PPP6R2: variants seen among roughly 807,000 people sequenced by gnomAD.
The protein encoded by PPP6R2 is serine/threonine-protein phosphatase 6 regulatory subunit 2.
PPP6R2 carries 62 observed loss-of-function variants against 100.2 expected under a neutral mutation model. That is an observed-to-expected ratio of 0.62 (90% CI 0.50 to 0.76). PPP6R2 has a LOEUF of 0.76. PPP6R2 is among the 30% of genes least tolerant of loss of function. The pLI is 0.00. For synonymous variants in PPP6R2, 525 were observed against 514.7 expected (o/e 1.02, Z -0.27); for missense variants, 1,142 against 1,276.3 (o/e 0.89, Z 1.60).
intron 6 of PPP6R2, among the ~76,000 whole-genome samples, chr22:50,417,017 C>T (rs117618593): frequency 6.6e-6 from 1 of 152,048 alleles, no homozygotes; most frequent in Non-Finnish European, 1.5e-5. Flanking sequence ...GACCGAATAG[C>T]AAATTACCCT....
chr22:50,353,954 T>G (rs1347009801), intron 1 of PPP6R2, among the ~76,000 whole-genome samples: 1 of 152,086 alleles, frequency 6.6e-6, no homozygotes, highest in East Asian at 1.9e-4. Context: ...GATAACTGAT[T>G]ATGTATCAGG....
chr22:50,407,547 C>G (rs1475648558), intron 4 of PPP6R2: 1 of 152,542 alleles, frequency 6.6e-6, no homozygotes, highest in East Asian at 1.9e-4. Flanking sequence ...GGTGGCGTGT[C>G]TGTCTGTCCA....
chr22:50,435,923 C>T (rs5770869), intron 13 of PPP6R2, among the ~76,000 whole-genome samples: 98,374 of 152,020 alleles, frequency 0.65, 32,073 homozygotes, highest in East Asian at 0.9. Flanking sequence ...CTCTGACCTC[C>T]CCGGAAAAAC....
Position 50,437,907 on chromosome 22 carries a change from A to AG in PPP6R2, c.1839+7_1839+8insG, listed in dbSNP as rs1569493338. 1.9e-6 allele frequency: 3 copies of AG among 1,558,062 alleles called. No homozygotes were observed. In the South Asian group the frequency reaches 3.5e-5, roughly 18 times the overall value. Reference sequence around the variant, plus strand: ...CGACGCTGACGAGGACAGTGTGAGCAAGCCGGGCTGTGTGGGGTGCCGCCA... The same window carrying AG: ...CGACGCTGACGAGGACAGTGTGAGCAGAGCCGGGCTGTGTGGGGTGCCGCCA... On this transcript the variant is annotated splice_region_variant and intron_variant, in intron 17 of 23. Transcript: ENST00000612753.
At chr22:50,387,585 A>C (rs1024458220) in intron 2 of PPP6R2, among the ~76,000 whole-genome samples, 2 of 152,130 alleles carry the variant, frequency 1.3e-5, no homozygotes, top group Admixed American at 1.3e-4. Context: ...CAGCCTATCC[A>C]GTGGTATGTT....
At position 50,431,362 on chromosome 22, in the gene PPP6R2, G is replaced by C. The variant is rs1603387853; in HGVS notation, c.1315G>C (p.Asp439His). The change falls in exon 11 of 24, where the codon GAC (aspartate) becomes CAC (histidine). Residue 439 changes from aspartate to histidine, a missense_variant. Asp to His is a moderately conservative substitution (Grantham distance 81). Transcript: ENST00000612753. This position sits in a 1 kb window ranked among gnomAD's most constrained non-coding sequence, Gnocchi z 4.8. ...TCCCCAGCCGGCCGCCAGCCTCCCT[G>C]ACAACACAATGGTGACCCACGTGAG... ...ETPQPAASLP[D>H]NTMVTHLFQK... The C allele has an allele frequency of 3.1e-6, 5 of 1,612,672 alleles. No homozygotes were observed. The highest frequency in any genetic ancestry group is 4.2e-6 in the Non-Finnish European group (5 of 1,179,914).
At chr22:50,414,331 G>GGCC (rs2060189395) in intron 4 of PPP6R2, among the ~76,000 whole-genome samples, 1 of 26,776 alleles carries the variant, frequency 3.7e-5, no homozygotes, top group African/African-American at 8.4e-5. Context: ...CTGTGCAGTG[G>GGCC]CCCCCCCCCC....
At chr22:50,414,518 GC>G (rs2060249344) in intron 4 of PPP6R2, 33 bp from the exon 5 acceptor site, 2 of 1,608,124 alleles carry the variant, frequency 1.2e-6, no homozygotes, top group South Asian at 1.1e-5. Flanking sequence ...GTCAGGGTCG[GC>G]CCCGCCTGCC....
intron 8 of PPP6R2, among the ~76,000 whole-genome samples, chr22:50,420,757 C>T (rs953371585): frequency 6.6e-6 from 1 of 152,212 alleles, no homozygotes; most frequent in East Asian, 1.9e-4. Flanking sequence ...TAGGGTGTGT[C>T]CCAAAAGGGC....
intron 1 of PPP6R2, among the ~76,000 whole-genome samples, chr22:50,356,548 C>G (rs775823562): frequency 6.6e-6 from 1 of 152,038 alleles, no homozygotes; most frequent in Non-Finnish European, 1.5e-5. Flanking sequence ...TAATACAAGT[C>G]TTTTCTGTGG....
At chr22:50,417,023 A>C (rs150629374) in intron 6 of PPP6R2, among the ~76,000 whole-genome samples, 1 of 151,826 alleles carries the variant, frequency 6.6e-6, no homozygotes, top group East Asian at 1.9e-4. Flanking sequence ...ATAGCAAATT[A>C]CCCTGAAATG....
At chr22:50,414,773 AG>A in intron 5 of PPP6R2, 84 bp downstream of exon 5, 1 of 1,468,236 alleles carries the variant, frequency 6.8e-7, no homozygotes, top group Non-Finnish European at 9.1e-7. Flanking sequence ...TCAGAGCACC[AG>A]GGCGCCCGGC....
chr22:50,434,933 G>A, intron 12 of PPP6R2, 33 bp from the exon 13 acceptor site: 1 of 1,575,084 alleles, frequency 6.3e-7, no homozygotes, highest in Non-Finnish European at 8.6e-7. Flanking sequence ...GTCGGGGCCA[G>A]GAGGCCGCCC....
chr22:50,427,986 C>T (rs1196153139), intron 10 of PPP6R2, among the ~76,000 whole-genome samples: 1 of 152,194 alleles, frequency 6.6e-6, no homozygotes. Flanking sequence ...TCCCAAAGTG[C>T]TGGGATTATA....
At chr22:50,355,379 C>T (rs921806278) in intron 1 of PPP6R2, among the ~76,000 whole-genome samples, 1 of 150,014 alleles carries the variant, frequency 6.7e-6, no homozygotes, top group Non-Finnish European at 1.5e-5. Flanking sequence ...GCTGGGACTG[C>T]AGGTACCTGC....
intron 5 of PPP6R2, 87 bp from the exon 6 acceptor site, chr22:50,416,005 G>A (rs2060478125): frequency 8.3e-7 from 1 of 1,206,508 alleles, no homozygotes. Flanking sequence ...CTAGAAAACG[G>A]GTGCAGTGCT....
At chr22:50,352,742 A>T (rs1379219837) in intron 1 of PPP6R2, among the ~76,000 whole-genome samples, 7 of 78,270 alleles carry the variant, frequency 8.9e-5, no homozygotes, top group Admixed American at 8.8e-4. Flanking sequence ...AACAAAAACA[A>T]AAAAAAAAAA....
At chr22:50,391,620 A>T (rs1243614939) in intron 2 of PPP6R2, among the ~76,000 whole-genome samples, 1 of 151,844 alleles carries the variant, frequency 6.6e-6, no homozygotes, top group Non-Finnish European at 1.5e-5. Context: ...ATCCAGTCTG[A>T]CAATGTTTGT....
chr22:50,426,084 C>G (rs1286324124), intron 10 of PPP6R2, among the ~76,000 whole-genome samples: 2 of 152,128 alleles, frequency 1.3e-5, no homozygotes, highest in African/African-American at 4.8e-5. Flanking sequence ...TCCTGAGTAG[C>G]TAAGACTGCA....
Sources: gnomAD v4.1 joint callset for allele counts (sites outside exome capture counted in the v4.1 genomes callset) on GRCh38, gnomAD v4.1.1 for gene constraint, Gnocchi (gnomAD v3.1) non-coding constraint, MANE v1.5 for transcripts, NCBI Gene and HGNC (gene_info 2026-07-23, HGNC 2026-07-21) for gene names.